The following TRPS1 variants were observed in gnomAD, a reference collection of about 807,000 sequenced individuals.
The protein encoded by TRPS1 is zinc finger transcription factor Trps1.
A neutral mutation model predicts 101.2 loss-of-function variants in TRPS1; 6 were observed. The observed-to-expected ratio is 0.06, with a 90% CI of 0.03 to 0.12. The LOEUF (loss-of-function observed/expected upper bound fraction) is 0.12. TRPS1 is among the 10% of genes least tolerant of loss of function. The probability of loss-of-function intolerance (pLI) is 1.00; values close to 1 mark genes in which losing one functional copy is unlikely to be tolerated. For missense variants in TRPS1, 1,363 were observed against 1,567.0 expected (o/e 0.87, Z 2.20); for synonymous variants, 578 against 589.8 (o/e 0.98, Z 0.29).
At chr8:115,650,348 G>GT (rs1043259699) in intron 1 of TRPS1, among the ~76,000 whole-genome samples, 1 of 152,194 alleles carries the variant, frequency 6.6e-6, no homozygotes, top group Non-Finnish European at 1.5e-5. Context: ...GGAATGTTTT[G>GT]TTTTTAAAGA....
intron 5 of TRPS1, among the ~76,000 whole-genome samples, chr8:115,558,184 C>A (rs1339965396): frequency 2.0e-5 from 3 of 151,946 alleles, no homozygotes; most frequent in Non-Finnish European, 4.4e-5. Flanking sequence ...AAACTCTAGT[C>A]TAAGACCAGG....
intron 5 of TRPS1, among the ~76,000 whole-genome samples, chr8:115,431,590 C>T (rs1035776229): frequency 8.6e-5 from 13 of 152,014 alleles, no homozygotes; most frequent in African/African-American, 1.9e-4. Flanking sequence ...TTCTCACACA[C>T]AAACTAAGTT....
chr8:115,434,575 T>C (rs535764086), intron 5 of TRPS1, among the ~76,000 whole-genome samples: 34 of 152,178 alleles, frequency 2.2e-4, no homozygotes, highest in Non-Finnish European at 4.4e-4. Context: ...GAGTTCATGG[T>C]TTAAATGATT....
At position 115,416,599 on chromosome 8, in the gene TRPS1, AC is replaced by A. The variant is rs1361844529; in HGVS notation, c.2824-1516del. On this transcript the variant is annotated intron_variant, in intron 6 of 6. Coordinates refer to ENST00000395715, the MANE Select transcript of TRPS1 (RefSeq NM_014112.5). ...ATAAATATAATATAAATTTAAAAAAACATAAATATAAGTGTAATTTGTAAAT... is the reference window on the plus strand; with the variant it reads ...ATAAATATAATATAAATTTAAAAAAAATAAATATAAGTGTAATTTGTAAAT... Among the ~76,000 whole-genome samples, 60 of 149,770 alleles carry A rather than the reference AC, an allele frequency of 4.0e-4. 1 individual carries two copies. Among genetic ancestry groups the A allele is most frequent in the Non-Finnish European group, 7.4e-5 (5 of 67,492 alleles).
At chr8:115,605,159 A>G (rs1012725634) in intron 3 of TRPS1, among the ~76,000 whole-genome samples, 157 bp from the exon 4 acceptor site, 2 of 152,138 alleles carry the variant, frequency 1.3e-5, no homozygotes, top group African/African-American at 2.4e-5. Context: ...GAGCCAAATA[A>G]ATTCACTCTT....
chr8:115,650,423 T>A (rs1007739426), intron 1 of TRPS1, among the ~76,000 whole-genome samples: 2 of 152,196 alleles, frequency 1.3e-5, no homozygotes, highest in African/African-American at 4.8e-5. Flanking sequence ...ATTCATTAAA[T>A]AGATCTCCTT....
chr8:115,456,655 A>C (rs900453228), intron 5 of TRPS1, among the ~76,000 whole-genome samples: 1 of 152,160 alleles, frequency 6.6e-6, no homozygotes, highest in African/African-American at 2.4e-5. Flanking sequence ...ACTATTTCTC[A>C]GTATATTTAT....
At chr8:115,477,891 A>G (rs1814645564) in intron 5 of TRPS1, among the ~76,000 whole-genome samples, 1 of 151,498 alleles carries the variant, frequency 6.6e-6, no homozygotes. Flanking sequence ...TTTCCATGCC[A>G]TGGTATATTA....
At chr8:115,427,250 CT>C (rs1484228369) in intron 5 of TRPS1, among the ~76,000 whole-genome samples, 1 of 152,032 alleles carries the variant, frequency 6.6e-6, no homozygotes, top group Non-Finnish European at 1.5e-5. Flanking sequence ...GTACTCCAGC[CT>C]GGGCAACAGA....
intron 5 of TRPS1, among the ~76,000 whole-genome samples, chr8:115,494,037 C>A (rs1485084465): frequency 6.6e-6 from 1 of 152,204 alleles, no homozygotes; most frequent in African/African-American, 2.4e-5. Context: ...ACTTGAACTC[C>A]TGCTGGGACA....
Position 115,541,902 on chromosome 8 carries a change from T to G in TRPS1, c.2700+45099A>C, listed in dbSNP as rs569585556. Among the ~76,000 whole-genome samples, 5 of 152,296 alleles carry G rather than the reference T, an allele frequency of 3.3e-5. No homozygotes were observed. In the South Asian group the frequency reaches 1.0e-3, roughly 32 times the overall value. On this transcript the variant is annotated intron_variant, in intron 5 of 6. Transcript: ENST00000395715. ...GGACCCAAAATGAGTATCACTATACTGGATTACACCAATAAGAGAAGTCAG... is the reference window on the plus strand; with the variant it reads ...GGACCCAAAATGAGTATCACTATACGGGATTACACCAATAAGAGAAGTCAG...
intron 5 of TRPS1, among the ~76,000 whole-genome samples, chr8:115,486,275 G>C (rs545790173): frequency 6.6e-6 from 1 of 152,246 alleles, no homozygotes; most frequent in Non-Finnish European, 1.5e-5. Flanking sequence ...ATAAGGTAGC[G>C]TACTTAATAA....
Position 115,587,470 on chromosome 8 carries a change from T to C in TRPS1, c.2231A>G (p.His744Arg). 1 of 1,614,188 alleles carries C rather than the reference T, an allele frequency of 6.2e-7. No individual in the cohort carries two copies. Among genetic ancestry groups the C allele is most frequent in the Non-Finnish European group, 8.5e-7 (1 of 1,180,018 alleles). The stretch of plus-strand genomic sequence containing the variant: ...CTCCTCTTTGATGGTGGATATGGCA[T>C]GACCGTCCTCTTCGCCGTTGGCTGT... ...ITTANGEEDGHAISTIKEEPK... is the reference protein window; with the variant it reads ...ITTANGEEDGRAISTIKEEPK... Residue 744 changes from histidine to arginine, a missense_variant, in exon 5 of 7, where the codon CAT becomes CGT. By Grantham distance (29) the His-to-Arg change is conservative. Around this residue, in one of 5 missense-constraint regions of TRPS1, gnomAD observed 1,020 missense variants for 1,073.0 expected, o/e 0.95. Coordinates refer to ENST00000395715, the MANE Select transcript of TRPS1 (RefSeq NM_014112.5).
chr8:115,634,204 G>A (rs1191735665), intron 1 of TRPS1, among the ~76,000 whole-genome samples: 1 of 152,168 alleles, frequency 6.6e-6, no homozygotes, highest in East Asian at 1.9e-4. Flanking sequence ...ATTCCACGGA[G>A]TTTCTCAGAC....
chr8:115,533,085 A>T (rs1043684851), intron 5 of TRPS1, among the ~76,000 whole-genome samples: 2 of 152,202 alleles, frequency 1.3e-5, no homozygotes, highest in African/African-American at 4.8e-5. Flanking sequence ...GGTGTTCTGC[A>T]CTTTAACTTC....
chr8:115,587,003 G>T lies in TRPS1; in HGVS notation c.2698C>A (p.Arg900=). 6.2e-7 allele frequency: 1 copy of T among 1,614,092 alleles called. No individual in the cohort carries two copies. Among genetic ancestry groups the T allele is most frequent in the South Asian group, 1.1e-5 (1 of 91,084 alleles). Residue 900 remains arginine (R), a splice_region_variant and synonymous_variant, in exon 5 of 7, where the codon CGG becomes AGG. Transcript: ENST00000395715. ...ATTTAAAAATGAAACCATCCTACCC[G>T]TAACAGGGACTGGGATTCATCCTTG... ...KSKDESQSLL[R]RRRGSGVFCA...
In TRPS1 at chr8:115,426,559, CATA is replaced by C. The variant is rs139664521; in HGVS notation, c.2701-8110_2701-8108del. On this transcript the variant is annotated intron_variant, in intron 5 of 6. Coordinates refer to ENST00000395715, the MANE Select transcript of TRPS1 (RefSeq NM_014112.5). The stretch of plus-strand genomic sequence containing the variant: ...CAATAATTCTTTTCATAGTATCTAA[CATA>C]ATAACTGGTTTATGAAGTGTTGCCA... Among the ~76,000 whole-genome samples, 1,681 of 152,078 alleles carry C rather than the reference CATA, an allele frequency of 0.011. 66 individuals carry two copies. In the East Asian group the frequency reaches 0.13, roughly 12 times the overall value.
intron 5 of TRPS1, among the ~76,000 whole-genome samples, chr8:115,497,361 G>C (rs1815175532): frequency 1.3e-5 from 2 of 152,190 alleles, no homozygotes; most frequent in Non-Finnish European, 2.9e-5. Flanking sequence ...TCTGATAGGA[G>C]GCGGAGCTCG....
At chr8:115,587,731 T>A in intron 4 of TRPS1, 127 bp from the exon 5 acceptor site, 6 of 1,496,914 alleles carry the variant, frequency 4.0e-6, no homozygotes, top group Non-Finnish European at 5.5e-6. Flanking sequence ...AAATGCAATA[T>A]TCTTAACACC....
Sources: allele counts gnomAD v4.1 joint callset (sites outside exome capture counted in the v4.1 genomes callset), GRCh38; gene constraint gnomAD v4.1.1; regional missense constraint gnomAD v4.1.1; transcripts MANE v1.5; gene names NCBI Gene and HGNC (gene_info 2026-07-23, HGNC 2026-07-21).